SLC38A2: variants seen among roughly 807,000 people sequenced by gnomAD.
SLC38A2 encodes the protein solute carrier family 38 member 2, also known as sodium-coupled neutral amino acid symporter 2.
Under a neutral mutation model 61.5 loss-of-function variants are expected in SLC38A2, and 11 were observed. The observed-to-expected ratio is 0.18, with a 90% CI of 0.11 to 0.30. The LOEUF (loss-of-function observed/expected upper bound fraction) is 0.30, where lower values mean the gene tolerates loss of function less well. SLC38A2 is among the 10% of genes least tolerant of loss of function. The probability of loss-of-function intolerance (pLI) is 1.00; values close to 1 mark genes in which losing one functional copy is unlikely to be tolerated. For synonymous variants in SLC38A2, 217 were observed against 212.5 expected (o/e 1.02, Z -0.18); for missense variants, 522 against 600.4 (o/e 0.87, Z 1.36).
intron 1 of SLC38A2, 25 bp downstream of exon 1, chr12:46,372,484 A>G: frequency 3.0e-6 from 1 of 337,058 alleles, no homozygotes; most frequent in Admixed American, 4.9e-5. Context: ...CGCCCTTCCC[A>G]CAGACGCCCC....
intron 7 of SLC38A2, among the ~76,000 whole-genome samples, chr12:46,366,043 G>A (rs1424829807): frequency 6.6e-6 from 1 of 152,110 alleles, no homozygotes; most frequent in Admixed American, 6.5e-5. Flanking sequence ...CTATTTTGAC[G>A]TAATGAGCTG....
rs192550465 is a variant in SLC38A2 at position 46,369,924 on chromosome 12, A to G, written c.314+588T>C. On this transcript the variant is annotated intron_variant, in intron 4 of 15. Transcript: ENST00000256689. ...TAAAGTATTCATTTTTTGCCACAAC[A>G]TGTGGCAATCGAACAGGTCTGACAA... Among the ~76,000 whole-genome samples, 13 of 152,302 alleles carry G rather than the reference A, an allele frequency of 8.5e-5. 1 individual carries two copies. The highest frequency in any genetic ancestry group is 3.3e-4 in the Admixed American group (5 of 15,302).
At chr12:46,364,248 T>C in intron 10 of SLC38A2, 141 bp downstream of exon 10, 2 of 964,912 alleles carry the variant, frequency 2.1e-6, no homozygotes, top group Non-Finnish European at 3.0e-6. Flanking sequence ...ACCAAAACTT[T>C]CTTCACAGTC....
At chr12:46,362,661 G>GT in intron 13 of SLC38A2, 23 bp from the exon 14 acceptor site, 1 of 1,546,640 alleles carries the variant, frequency 6.5e-7, no homozygotes, top group Non-Finnish European at 8.6e-7. Flanking sequence ...TAAATAAAAT[G>GT]TATTTTAAAA....
At chr12:46,364,132 A>G (rs745377069) in intron 10 of SLC38A2, 129 bp from the exon 11 acceptor site, 26 of 846,732 alleles carry the variant, frequency 3.1e-5, no homozygotes, top group Non-Finnish European at 4.7e-5. Flanking sequence ...ATTAGCTTCC[A>G]TTCTTCTAAT....
rs1592208373 is a variant in SLC38A2 at position 46,371,289 on chromosome 12, T to C, written c.5A>G (p.Lys2Arg). ...ACTGAATCGTCCCATTTCGGCCTTC[T>C]TCATGCTAAGCACTGGGAGGAATCG... M[K>R]KAEMGRFSIS... Residue 2 changes from lysine (K) to arginine (R), a missense_variant, in exon 2 of 16, where the codon AAG becomes AGG. By Grantham distance (26) the Lys-to-Arg change is conservative (BLOSUM62 2). Coordinates refer to ENST00000256689, the MANE Select transcript of SLC38A2 (RefSeq NM_018976.5). The C allele has an allele frequency of 6.2e-7, 1 of 1,614,054 alleles. No homozygotes were observed. Among genetic ancestry groups the C allele is most frequent in the Non-Finnish European group, 8.5e-7 (1 of 1,179,868 alleles).
rs952367913 is a variant in SLC38A2 at position 46,372,577 on chromosome 12, A to C, written c.-155T>G. 3.9e-4 allele frequency: 156 copies of C among 397,642 alleles called. No homozygotes were observed. Among genetic ancestry groups the C allele is most frequent in the Non-Finnish European group, 7.5e-5 (17 of 225,586 alleles). The allele number at this position is 397,642 out of a possible 1,614,324, so 24.6% of individuals were successfully genotyped here. A position where few individuals can be genotyped will look rare whatever the true frequency, so the allele number is the denominator to read the frequency against. On this transcript the variant is annotated 5_prime_UTR_variant, in exon 1 of 16. Transcript: ENST00000256689. Reference sequence around the variant, plus strand: ...TCTCAGTCAAATACAAATCATAAAAAACAAACAAAAAATTTCCCCAAATCC... The same window carrying C: ...TCTCAGTCAAATACAAATCATAAAACACAAACAAAAAATTTCCCCAAATCC...
At chr12:46,364,050 T>A in intron 10 of SLC38A2, 47 bp from the exon 11 acceptor site, 1 of 1,468,674 alleles carries the variant, frequency 6.8e-7, no homozygotes, top group Non-Finnish European at 9.3e-7. Flanking sequence ...AACGAACTCA[T>A]GCTGTCACAT....
At position 46,359,371 on chromosome 12, in the gene SLC38A2, CACT is replaced by C. The variant is rs1943057162; in HGVS notation, c.*1737_*1739del. On this transcript the variant is annotated 3_prime_UTR_variant, in exon 16 of 16. Coordinates refer to ENST00000256689, the MANE Select transcript of SLC38A2 (RefSeq NM_018976.5). ...GGACCAACGGTTTCACCCAATGTAG[CACT>C]ACAAGACGTCTTCCAGTTCCATAAG... The C allele has an allele frequency of 1.3e-5, 2 of 152,758 alleles. No homozygotes were observed. The highest frequency in any genetic ancestry group is 1.9e-4 in the East Asian group (1 of 5,192). The allele number at this position is 152,758 out of a possible 1,614,324, so 9.5% of individuals were successfully genotyped here.
Position 46,370,521 on chromosome 12 carries a change from G to C in SLC38A2, c.305C>G (p.Ala102Gly), listed in dbSNP as rs934661851. The change falls in exon 4 of 16, where the codon GCT becomes GGT. Residue 102 changes from alanine to glycine, a missense_variant. Coordinates refer to ENST00000256689, the MANE Select transcript of SLC38A2 (RefSeq NM_018976.5). ...ACTTACACATACTTACATAAAAAGAGCAATTCCAGTATTAGCCATGGCATA... is the reference window on the plus strand; with the variant it reads ...ACTTACACATACTTACATAAAAAGACCAATTCCAGTATTAGCCATGGCATA... ...LSYAMANTGIALFIILLTFVS... is the reference protein window; with the variant it reads ...LSYAMANTGIGLFIILLTFVS... The C allele has an allele frequency of 6.2e-7, 1 of 1,612,100 alleles. No individual in the cohort carries two copies. Among genetic ancestry groups the C allele is most frequent in the Non-Finnish European group, 8.5e-7 (1 of 1,178,266 alleles).
chr12:46,364,038 G>A (rs568994644), intron 10 of SLC38A2, 35 bp from the exon 11 acceptor site: 5 of 1,531,616 alleles, frequency 3.3e-6, no homozygotes, highest in Admixed American at 3.9e-5. Flanking sequence ...TTAATCTGAT[G>A]TAACGAACTC....
intron 10 of SLC38A2, 64 bp from the exon 11 acceptor site, chr12:46,364,067 A>T: frequency 7.4e-7 from 1 of 1,359,254 alleles, no homozygotes; most frequent in East Asian, 2.5e-5. Flanking sequence ...ACATTTCCGC[A>T]GCATATATTT....
rs760082061 is a variant in SLC38A2 at position 46,364,439 on chromosome 12, C to T, written c.823G>A (p.Val275Met). ...TALVPALSHN[V>M]TENDSCRPHY... ...GGTCTGCAAGAGTCATTTTCAGTCACGTTATGTGACAAAGCAGGTACAAGA... is the reference window on the plus strand; with the variant it reads ...GGTCTGCAAGAGTCATTTTCAGTCATGTTATGTGACAAAGCAGGTACAAGA... The change falls in exon 10 of 16, where the codon GTG (valine) becomes ATG (methionine). Residue 275 changes from valine to methionine, a missense_variant. By Grantham distance (21) the Val-to-Met change is conservative. This residue lies in a region of SLC38A2 where 309 missense variants were observed against 343.9 expected (regional missense o/e 0.90). Transcript: ENST00000256689. The T allele has an allele frequency of 2.2e-5, 35 of 1,607,870 alleles. No homozygotes were observed. The highest frequency in any genetic ancestry group is 2.7e-5 in the Non-Finnish European group (32 of 1,178,048).
chr12:46,362,222 A>C lies in SLC38A2; in HGVS notation c.1422+62T>G. 3 of 1,323,658 alleles carry C rather than the reference A, an allele frequency of 2.3e-6. No individual in the cohort carries two copies. In the South Asian group the frequency reaches 4.3e-5, roughly 19 times the overall value. 82.0% of individuals were successfully genotyped at this position (1,323,658 alleles called of 1,614,324 possible). A position where few individuals can be genotyped will look rare whatever the true frequency, so the allele number is the denominator to read the frequency against. On this transcript the variant is annotated intron_variant, in intron 15 of 15. Transcript: ENST00000256689. ...AAATAACAGCTATGAGAATAAAATT[A>C]AAATCAGTTGGGGAAATTTATGATA...
chr12:46,362,798 G>A (rs1393026601), intron 13 of SLC38A2, 160 bp from the exon 14 acceptor site: 2 of 935,710 alleles, frequency 2.1e-6, no homozygotes, highest in Admixed American at 3.4e-5. Context: ...GCTGTTTCCT[G>A]AACATCTGAA....
rs1943183826 is a variant in SLC38A2, at chr12:46,370,535, A to C, written c.291T>G (p.Ala97=). 1.2e-6 allele frequency: 2 copies of C among 1,613,642 alleles called. No homozygotes were observed. Among genetic ancestry groups the C allele is most frequent in the Non-Finnish European group, 1.7e-6 (2 of 1,179,636 alleles). The change falls in exon 4 of 16, where the codon GCT becomes GCG. Residue 97 remains alanine, a synonymous_variant. Transcript: ENST00000256689. ...ACATAAAAAGAGCAATTCCAGTATTAGCCATGGCATAAGAAAGCCCAAGGA... is the reference window on the plus strand; with the variant it reads ...ACATAAAAAGAGCAATTCCAGTATTCGCCATGGCATAAGAAAGCCCAAGGA... The part of the protein sequence containing the change: ...SGILGLSYAM[A]NTGIALFIIL...
rs1296556772 is a variant in SLC38A2, at chr12:46,366,886, T to A, written c.541A>T (p.Thr181Ser). 7.4e-6 allele frequency: 12 copies of A among 1,613,712 alleles called. No individual in the cohort carries two copies. Among genetic ancestry groups the A allele is most frequent in the Non-Finnish European group, 1.0e-5 (12 of 1,179,896 alleles). ...TACCCAGTTTTATCTTCAATGTTCG[T>A]TAATGCCTGGATCACCAAAGGCAAC... is the stretch of plus-strand genomic sequence containing the variant. ...YELPLVIQALTNIEDKTGLWY... is the reference protein window; with the variant it reads ...YELPLVIQALSNIEDKTGLWY... The change falls in exon 7 of 16, where the codon ACG (threonine) becomes TCG (serine). Residue 181 changes from threonine (T) to serine (S), a missense_variant. Physicochemically the swap from Thr to Ser is moderately conservative, Grantham distance 58 (BLOSUM62 1). Around this residue, in one of 3 missense-constraint regions of SLC38A2, gnomAD observed 111 missense variants for 173.4 expected, o/e 0.64. Coordinates refer to ENST00000256689, the MANE Select transcript of SLC38A2 (RefSeq NM_018976.5).
rs1411804281 is a variant in SLC38A2, at chr12:46,364,474, T to C, written c.788A>G (p.Gln263Arg). The C allele has an allele frequency of 8.7e-6, 14 of 1,613,028 alleles. No homozygotes were observed. In the East Asian group the frequency reaches 3.1e-4, roughly 36 times the overall value. ...CAAAGCAGGTACAAGAGCTGTTGGCTGTGTTAAGGTGGTGTTTATTGTTTC... is the reference window on the plus strand; with the variant it reads ...CAAAGCAGGTACAAGAGCTGTTGGCCGTGTTAAGGTGGTGTTTATTGTTTC... ...INETINTTLT[Q>R]PTALVPALSH... The change falls in exon 10 of 16, where the codon CAG (glutamine) becomes CGG (arginine). Residue 263 changes from glutamine to arginine, a missense_variant. By Grantham distance (43) the Gln-to-Arg change is conservative (BLOSUM62 1). This residue lies in a region of SLC38A2 where 309 missense variants were observed against 343.9 expected (regional missense o/e 0.90). Transcript: ENST00000256689.
intron 2 of SLC38A2, 54 bp downstream of exon 2, chr12:46,371,124 C>T: frequency 6.7e-7 from 1 of 1,489,360 alleles, no homozygotes; most frequent in Non-Finnish European, 9.4e-7. Context: ...TAGGTAACTC[C>T]CTGAACCCAA....
Sources: gnomAD v4.1 joint callset for allele counts (sites outside exome capture counted in the v4.1 genomes callset) on GRCh38, gnomAD v4.1.1 for gene constraint, gnomAD v4.1.1 regional missense constraint, MANE v1.5 for transcripts, NCBI Gene and HGNC (gene_info 2026-07-23, HGNC 2026-07-21) for gene names.